Variants in AFF4 observed in about 807,000 individuals in gnomAD.
AFF4 encodes ALF transcription elongation factor 4, also known as AF4/FMR2 family member 4.
In AFF4, 13 loss-of-function variants were observed where a neutral mutation model predicts 124.8. The observed-to-expected ratio is 0.10, with a 90% CI of 0.07 to 0.17. The LOEUF (loss-of-function observed/expected upper bound fraction) is 0.17. Among genes scored for constraint, AFF4 ranks in the 10% least tolerant of loss-of-function variants. The probability of loss-of-function intolerance (pLI) is 1.00; values close to 1 mark genes in which losing one functional copy is unlikely to be tolerated. For missense variants in AFF4, 1,092 were observed against 1,403.8 expected, an observed-to-expected ratio of 0.78 and a Z score of 3.55; for synonymous variants, 477 against 496.1, an observed-to-expected ratio of 0.96 and a Z score of 0.51.
chr5:132,929,761 ATAATCT>A (rs984012460), intron 4 of AFF4, among the ~76,000 whole-genome samples: 4 of 152,200 alleles, frequency 2.6e-5, no homozygotes, highest in African/African-American at 4.8e-5. Flanking sequence ...TATTCTTTCT[ATAATCT>A]TAGAGAGCCA....
At chr5:132,906,265 C>A (rs1158405299) in intron 5 of AFF4, among the ~76,000 whole-genome samples, 1 of 152,136 alleles carries the variant, frequency 6.6e-6, no homozygotes, top group Non-Finnish European at 1.5e-5. Context: ...AGGTACACAA[C>A]CAAACAAAAT....
chr5:132,892,967 C>T, intron 12 of AFF4, 63 bp downstream of exon 12: 1 of 1,462,904 alleles, frequency 6.8e-7, no homozygotes, highest in Non-Finnish European at 9.6e-7. Flanking sequence ...TCAGAAAGTA[C>T]CCACTATCAA....
Position 132,892,223 on chromosome 5 carries a change from A to C in AFF4, c.2578T>G (p.Ser860Ala), listed in dbSNP as rs752814432. 2.5e-6 allele frequency: 4 copies of C among 1,613,874 alleles called. No homozygotes were observed. The Admixed American group carries it at 6.7e-5, about 27-fold the overall frequency. The change falls in exon 13 of 21, where the codon TCC becomes GCC. Residue 860 changes from serine (S) to alanine (A), a missense_variant. This residue lies in a region of AFF4 where 293 missense variants were observed against 280.2 expected (regional missense o/e 1.05). Transcript: ENST00000265343. Reference protein sequence around the residue: ...ETSGSSKNSSSTSKQKKTEGK... With the variant: ...ETSGSSKNSSATSKQKKTEGK... Reference sequence around the variant, plus strand: ...TCGGTCTTCTTCTGCTTTGATGTGGAGGAACTGTTTTTGCTGCTGCCACTC... The same window carrying C: ...TCGGTCTTCTTCTGCTTTGATGTGGCGGAACTGTTTTTGCTGCTGCCACTC...
At chr5:132,926,811 C>T (rs1368550444) in intron 5 of AFF4, 6 of 190,748 alleles carry the variant, frequency 3.1e-5, no homozygotes, top group Non-Finnish European at 6.3e-5. Flanking sequence ...TCTCTTGGCT[C>T]AGCCTTCCAA....
At chr5:132,924,590 C>T (rs1292754337) in intron 5 of AFF4, among the ~76,000 whole-genome samples, 1 of 152,096 alleles carries the variant, frequency 6.6e-6, no homozygotes, top group Non-Finnish European at 1.5e-5. Context: ...CGGTGGCTCA[C>T]GCCTGTTAAT....
chr5:132,956,981 T>C (rs926427297), intron 1 of AFF4, among the ~76,000 whole-genome samples: 11 of 126,388 alleles, frequency 8.7e-5, no homozygotes, highest in South Asian at 2.5e-4. Context: ...GATTGCACCA[T>C]TGCACTCCAG....
intron 10 of AFF4, 68 bp downstream of exon 10, chr5:132,898,162 G>A (rs1226501043): frequency 4.5e-6 from 7 of 1,556,134 alleles, no homozygotes; most frequent in South Asian, 1.2e-5. Context: ...TTTGGATCAG[G>A]TTTTAAATGG....
At chr5:132,905,773 A>C (rs1423279408) in intron 5 of AFF4, among the ~76,000 whole-genome samples, 1 of 152,232 alleles carries the variant, frequency 6.6e-6, no homozygotes, top group Non-Finnish European at 1.5e-5. Flanking sequence ...GGATTTGGCA[A>C]GATAAACTTG....
chr5:132,927,723 T>C (rs1761211284), intron 4 of AFF4, among the ~76,000 whole-genome samples: 1 of 152,238 alleles, frequency 6.6e-6, no homozygotes, highest in Non-Finnish European at 1.5e-5. Context: ...GCCATACACT[T>C]AGTAAATAAT....
At chr5:132,896,248 T>C (rs1760391240) in intron 11 of AFF4, 75 bp downstream of exon 11, 3 of 1,497,872 alleles carry the variant, frequency 2.0e-6, no homozygotes, top group South Asian at 2.7e-5. Flanking sequence ...CCTTGTTACT[T>C]TGTGGCTTAC....
Position 132,934,426 on chromosome 5 carries a change from A to G in AFF4, c.639T>C (p.Pro213=). Residue 213 remains proline, a synonymous_variant, in exon 3 of 21, where the codon CCT becomes CCC. Coordinates refer to ENST00000265343, the MANE Select transcript of AFF4 (RefSeq NM_014423.4). ...AATCCCAGTTTGCATCAGGGTCCCG[A>G]GGTGATTTGGAGCGTTGATGTTCCT... ...HSKEHQRSKS[P]RDPDANWDSP... The G allele has an allele frequency of 6.2e-7, 1 of 1,614,092 alleles. No homozygotes were observed. Among genetic ancestry groups the G allele is most frequent in the Non-Finnish European group, 8.5e-7 (1 of 1,180,014 alleles).
intron 18 of AFF4, among the ~76,000 whole-genome samples, chr5:132,885,466 G>GGGAT (rs1554073471): frequency 8.5e-6 from 1 of 117,376 alleles, no homozygotes; most frequent in Admixed American, 8.4e-5. Flanking sequence ...TCTTAAAAAA[G>GGGAT]GGGTGGGTGG....
intron 20 of AFF4, among the ~76,000 whole-genome samples, chr5:132,882,393 A>G (rs928526819): frequency 9.9e-5 from 15 of 152,174 alleles, no homozygotes; most frequent in African/African-American, 3.6e-4. Context: ...GGATCTGCCT[A>G]AAGAGAAGCT....
intron 5 of AFF4, among the ~76,000 whole-genome samples, chr5:132,908,786 T>C (rs1468708603): frequency 2.0e-5 from 3 of 147,436 alleles, no homozygotes; most frequent in Non-Finnish European, 3.0e-5. Flanking sequence ...ATTTTTTTTT[T>C]TTGAGACGGA....
chr5:132,950,383 G>C (rs1761813731), intron 1 of AFF4, among the ~76,000 whole-genome samples: 1 of 152,262 alleles, frequency 6.6e-6, no homozygotes, highest in Non-Finnish European at 1.5e-5. Flanking sequence ...GCTGAGGCAG[G>C]AGAATCGCTT....
In AFF4 at chr5:132,930,151, C is replaced by T. The variant is rs73788233; in HGVS notation, c.963+2027G>A. Among the ~76,000 whole-genome samples the T allele has an allele frequency of 3.5e-3, 532 of 152,206 alleles. 3 individuals are homozygous for T. Among genetic ancestry groups the T allele is most frequent in the African/African-American group, 0.012 (505 of 41,520 alleles). ...AAAGAGAAATAAATCCAAATGGAAA[C>T]TCAGCTAAGAAGCAATTAAGAGACA... On this transcript the variant is annotated intron_variant, in intron 4 of 20. Coordinates refer to ENST00000265343, the MANE Select transcript of AFF4 (RefSeq NM_014423.4).
At chr5:132,933,543 G>GA (rs997572748) in intron 3 of AFF4, among the ~76,000 whole-genome samples, 3 of 150,256 alleles carry the variant, frequency 2.0e-5, no homozygotes, top group Admixed American at 6.6e-5. Context: ...CACCCATCTT[G>GA]AAAAAAAAAG....
In AFF4 at chr5:132,893,053, G is replaced by A. The variant is rs1255030100; in HGVS notation, c.2373C>T (p.Gly791=). Residue 791 remains glycine, a synonymous_variant, in exon 12 of 21, where the codon GGC becomes GGT. Coordinates refer to ENST00000265343, the MANE Select transcript of AFF4 (RefSeq NM_014423.4). ...KPKTEDKNSA[G]HKPSSNRESS... The stretch of plus-strand genomic sequence containing the variant: ...ACTCTCTGTTGCTGGATGGCTTATG[G>A]CCTGCTGAATTCTTGTCCTCCGTTT... 16 of 1,614,026 alleles carry A rather than the reference G, an allele frequency of 9.9e-6. No individual in the cohort carries two copies. Among genetic ancestry groups the A allele is most frequent in the Non-Finnish European group, 1.3e-5 (15 of 1,179,958 alleles).
Position 132,884,165 on chromosome 5 carries a change from A to C in AFF4, c.3144-605T>G, listed in dbSNP as rs1209328340. Among the ~76,000 whole-genome samples the C allele has an allele frequency of 2.6e-5, 4 of 152,212 alleles. No homozygotes were observed. The East Asian group carries it at 7.7e-4, about 29-fold the overall frequency. ...ATTTCAGGAGTATTAAAATTTGTGA[A>C]ATGTTCAAGACTATGATCACACACT... On this transcript the variant is annotated intron_variant, in intron 19 of 20. Transcript: ENST00000265343.
Sources: gnomAD v4.1 joint callset for allele counts (sites outside exome capture counted in the v4.1 genomes callset) on GRCh38, gnomAD v4.1.1 for gene constraint, gnomAD v4.1.1 regional missense constraint, MANE v1.5 for transcripts, NCBI Gene and HGNC (gene_info 2026-07-23, HGNC 2026-07-21) for gene names.